NAV2: variants seen among roughly 807,000 people sequenced by gnomAD.
The protein encoded by NAV2 is neuron navigator 2.
A neutral mutation model predicts 223.2 loss-of-function variants in NAV2; 54 were observed. The observed-to-expected ratio is 0.24, with a 90% CI of 0.19 to 0.30. NAV2 has a LOEUF of 0.30. Among genes scored for constraint, NAV2 ranks in the 10% least tolerant of loss-of-function variants. The probability of loss-of-function intolerance (pLI) is 1.00; values close to 1 mark genes in which losing one functional copy is unlikely to be tolerated. For missense variants in NAV2, 2,806 were observed against 3,147.5 expected (o/e 0.89, Z 2.60); for synonymous variants, 1,279 against 1,239.3 (o/e 1.03, Z -0.67).
chr11:19,987,460 G>T (rs190126620), intron 11 of NAV2, among the ~76,000 whole-genome samples: 1 of 152,184 alleles, frequency 6.6e-6, no homozygotes, highest in South Asian at 2.1e-4. Flanking sequence ...CTCAGCAAAC[G>T]AAAGAAAGGC....
chr11:19,924,539 G>A (rs1055257758), intron 6 of NAV2, among the ~76,000 whole-genome samples: 1 of 152,226 alleles, frequency 6.6e-6, no homozygotes, highest in African/African-American at 2.4e-5. Context: ...ATGCAGGACA[G>A]AGGAGGGTTC....
At chr11:19,519,982 TTAAC>T (rs778668467) in intron 1 of NAV2, 4 of 152,220 alleles carry the variant, frequency 2.6e-5, no homozygotes, top group Non-Finnish European at 4.4e-5. Context: ...GCAGATTAGA[TTAAC>T]TAAGCAAGAC....
intron 1 of NAV2, among the ~76,000 whole-genome samples, chr11:19,650,036 GT>G (rs1384913917): frequency 6.6e-6 from 1 of 152,182 alleles, no homozygotes; most frequent in Non-Finnish European, 1.5e-5. Flanking sequence ...TTCTTATACA[GT>G]TAAGCATATA....
At chr11:19,999,545 A>G (rs1282473052) in intron 11 of NAV2, among the ~76,000 whole-genome samples, 3 of 152,098 alleles carry the variant, frequency 2.0e-5, no homozygotes, top group Non-Finnish European at 4.4e-5. Context: ...ATGTTTTTGT[A>G]TTTTTAGTAG....
intron 1 of NAV2, among the ~76,000 whole-genome samples, chr11:19,643,454 A>G (rs2047723169): frequency 2.0e-5 from 3 of 151,950 alleles, no homozygotes; most frequent in African/African-American, 7.3e-5. Context: ...TGAGAATGAT[A>G]GTTTCCAGCT....
At chr11:19,544,710 G>C (rs1026337971) in intron 1 of NAV2, among the ~76,000 whole-genome samples, 1 of 152,186 alleles carries the variant, frequency 6.6e-6, no homozygotes, top group Non-Finnish European at 1.5e-5. Context: ...ACAGTGCACA[G>C]AAAGCATGGA....
chr11:19,722,985 A>G (rs2050890179), intron 1 of NAV2, among the ~76,000 whole-genome samples: 1 of 152,224 alleles, frequency 6.6e-6, no homozygotes, highest in South Asian at 2.1e-4. Context: ...CTGCGATGGA[A>G]GAAGAGCTGT....
intron 10 of NAV2, among the ~76,000 whole-genome samples, chr11:19,952,711 T>A (rs972163596): frequency 6.6e-6 from 1 of 152,198 alleles, no homozygotes; most frequent in African/African-American, 2.4e-5. Flanking sequence ...AACAGCTATT[T>A]TTTGATGCCT....
At chr11:19,659,000 CTCTG>C (rs1413796678) in intron 1 of NAV2, among the ~76,000 whole-genome samples, 1 of 152,126 alleles carries the variant, frequency 6.6e-6, no homozygotes, top group Non-Finnish European at 1.5e-5. Flanking sequence ...CTAAAGGATG[CTCTG>C]TCTTTGTACC....
intron 29 of NAV2, among the ~76,000 whole-genome samples, chr11:20,094,458 G>A (rs1398637898): frequency 2.0e-5 from 3 of 151,804 alleles, no homozygotes; most frequent in Admixed American, 6.6e-5. Flanking sequence ...TCAAACTCCC[G>A]ACCTTGTGAT....
chr11:19,645,378 T>A (rs551890777), intron 1 of NAV2, among the ~76,000 whole-genome samples: 1 of 152,296 alleles, frequency 6.6e-6, no homozygotes, highest in African/African-American at 2.4e-5. Context: ...TATCTCAGTA[T>A]CCTTAAATTA....
At chr11:20,035,769 A>T (rs992463282) in intron 11 of NAV2, among the ~76,000 whole-genome samples, 190 bp from the exon 12 acceptor site, 5 of 152,180 alleles carry the variant, frequency 3.3e-5, no homozygotes, top group Admixed American at 2.0e-4. Context: ...CAGCCTCTTC[A>T]CCCAGCTTCC....
At chr11:19,353,717 A>G (rs1181826276) in intron 1 of NAV2, among the ~76,000 whole-genome samples, 2 of 152,202 alleles carry the variant, frequency 1.3e-5, no homozygotes, top group African/African-American at 4.8e-5. Context: ...AGAGGGCTGC[A>G]TGTGATTTTG....
intron 1 of NAV2, among the ~76,000 whole-genome samples, chr11:19,530,387 G>C (rs1041974149): frequency 6.6e-6 from 1 of 152,212 alleles, no homozygotes; most frequent in Admixed American, 6.5e-5. Flanking sequence ...GGTAGCATTT[G>C]CTTAGAATTG....
chr11:19,860,297 G>T (rs1231661295), intron 3 of NAV2, among the ~76,000 whole-genome samples: 2,744 of 131,730 alleles, frequency 0.021, 32 homozygotes, highest in Non-Finnish European at 0.031. Flanking sequence ...GGGCGGAGGG[G>T]CTCCTCACTT....
chr11:19,849,841 T>C (rs1281580448), intron 3 of NAV2, among the ~76,000 whole-genome samples: 2 of 152,206 alleles, frequency 1.3e-5, no homozygotes, highest in East Asian at 3.8e-4. Context: ...GGGCAGCATA[T>C]ACACACTATC....
At chr11:19,970,915 C>A (rs192159775) in intron 10 of NAV2, among the ~76,000 whole-genome samples, 5 of 152,308 alleles carry the variant, frequency 3.3e-5, no homozygotes, top group African/African-American at 1.2e-4. Flanking sequence ...AACTGCCTAT[C>A]ATGAATGTTT....
chr11:19,527,937 G>GACACACAC (rs67561376), intron 1 of NAV2, among the ~76,000 whole-genome samples: 18,483 of 143,158 alleles, frequency 0.13, 1,303 homozygotes, highest in South Asian at 0.2. Context: ...TCCCTGCCCT[G>GACACACAC]ACACACACAC....
chr11:19,843,008 T>C lies in NAV2; in HGVS notation c.438+85T>C. The C allele has an allele frequency of 3.6e-6, 4 of 1,116,608 alleles. No homozygotes were observed. In the South Asian group the frequency reaches 5.3e-5, roughly 15 times the overall value. The allele number at this position is 1,116,608 out of a possible 1,614,324, so 69.2% of individuals were successfully genotyped here. A position where few individuals can be genotyped will look rare whatever the true frequency, so the allele number is the denominator to read the frequency against. On this transcript the variant is annotated intron_variant, in intron 3 of 37. Transcript: ENST00000349880. ...ATATTGACCATCTTGAAAACATTCA[T>C]ACCAGATGCTTTACTCCAGGGGATT...
Sources: gnomAD v4.1 joint callset for allele counts (sites outside exome capture counted in the v4.1 genomes callset) on GRCh38, gnomAD v4.1.1 for gene constraint, MANE v1.5 for transcripts, NCBI Gene and HGNC (gene_info 2026-07-23, HGNC 2026-07-21) for gene names.